The following TBC1D23 variants were observed in gnomAD, a reference collection of about 807,000 sequenced individuals.
TBC1D23 encodes the protein TBC1 domain family member 23.
In TBC1D23, 55 loss-of-function variants were observed where a neutral mutation model predicts 91.4. That is an observed-to-expected ratio of 0.60 (90% CI 0.48 to 0.75). TBC1D23 has a LOEUF of 0.75. Ranked by LOEUF, TBC1D23 falls within the 30% of genes least tolerant of loss-of-function variation. TBC1D23 has a pLI of 0.00. For synonymous variants in TBC1D23, 289 were observed against 281.0 expected (o/e 1.03, Z -0.28); for missense variants, 725 against 836.1 (o/e 0.87, Z 1.64).
At chr3:100,322,860 T>G (rs186811533) in intron 18 of TBC1D23, among the ~76,000 whole-genome samples, 11 of 152,292 alleles carry the variant, frequency 7.2e-5, no homozygotes, top group Admixed American at 1.3e-4. Flanking sequence ...TCATTGATAT[T>G]TATGGTTCTC....
intron 8 of TBC1D23, 28 bp downstream of exon 8, chr3:100,296,303 T>A: frequency 8.5e-7 from 1 of 1,180,722 alleles, no homozygotes; most frequent in Non-Finnish European, 1.2e-6. Context: ...ACCAACTATG[T>A]TGTATTTCAT....
At chr3:100,295,400 A>T (rs1405351711) in intron 7 of TBC1D23, 52 bp downstream of exon 7, 19 of 1,434,502 alleles carry the variant, frequency 1.3e-5, no homozygotes, top group Non-Finnish European at 1.8e-5. Flanking sequence ...TATCTGTGTA[A>T]GTTACTCAGT....
chr3:100,305,572 C>T (rs986825733), intron 12 of TBC1D23, among the ~76,000 whole-genome samples: 1 of 152,006 alleles, frequency 6.6e-6, no homozygotes, highest in African/African-American at 2.4e-5. Context: ...ACATGCTGAC[C>T]AGTTGTGCAA....
intron 1 of TBC1D23, among the ~76,000 whole-genome samples, chr3:100,270,970 C>T (rs1190510214): frequency 2.0e-5 from 3 of 151,978 alleles, no homozygotes. Flanking sequence ...TTAAAAACTG[C>T]TAGTCTTCAT....
chr3:100,275,145 A>T (rs1289197819), intron 1 of TBC1D23, among the ~76,000 whole-genome samples: 1 of 152,132 alleles, frequency 6.6e-6, no homozygotes, highest in African/African-American at 2.4e-5. Flanking sequence ...ATTTCCACTA[A>T]CTGTACACAA....
intron 17 of TBC1D23, among the ~76,000 whole-genome samples, chr3:100,320,501 T>C (rs555587144): frequency 1.2e-4 from 18 of 152,236 alleles, no homozygotes; most frequent in African/African-American, 3.9e-4. Context: ...AAATATATTA[T>C]TGTAGTGATT....
chr3:100,323,642 A>G lies in TBC1D23; in HGVS notation c.2074A>G (p.Lys692Glu). The G allele has an allele frequency of 2.6e-6, 4 of 1,536,334 alleles. No individual in the cohort carries two copies. The South Asian group carries it at 4.0e-5, about 15-fold the overall frequency. ...ATKAIKQQIM[K>E]VLDALES ...TAAAGCCATAAAACAGCAGATCATGAAAGTTTTGGATGCTTTGGAAAGTTA... is the reference window on the plus strand; with the variant it reads ...TAAAGCCATAAAACAGCAGATCATGGAAGTTTTGGATGCTTTGGAAAGTTA... Residue 692 changes from lysine (K) to glutamate (E), a missense_variant, in exon 19 of 19, where the codon AAA (lysine) becomes GAA (glutamate). Physicochemically the swap from Lys to Glu is moderately conservative, Grantham distance 56. Coordinates refer to ENST00000394144, the MANE Select transcript of TBC1D23 (RefSeq NM_001199198.3).
chr3:100,310,349 T>TA (rs1420397388), intron 13 of TBC1D23, 54 bp from the exon 14 acceptor site: 1 of 1,493,470 alleles, frequency 6.7e-7, no homozygotes, highest in East Asian at 2.3e-5. Context: ...CCATTAGCAG[T>TA]AGTATGTCTT....
intron 1 of TBC1D23, among the ~76,000 whole-genome samples, chr3:100,275,433 G>C (rs1313527750): frequency 1.3e-5 from 2 of 152,040 alleles, no homozygotes; most frequent in Non-Finnish European, 2.9e-5. Context: ...GACTACAGCT[G>C]CATACCACTA....
intron 16 of TBC1D23, 108 bp downstream of exon 16, chr3:100,316,295 G>C (rs1190637097): frequency 2.6e-6 from 2 of 781,072 alleles, no homozygotes; most frequent in Non-Finnish European, 4.3e-6. Context: ...ATGAGATTCT[G>C]TAGAAATAAT....
At chr3:100,295,428 T>G in intron 7 of TBC1D23, 80 bp downstream of exon 7, 1 of 1,165,362 alleles carries the variant, frequency 8.6e-7, no homozygotes, top group Non-Finnish European at 1.2e-6. Flanking sequence ...TTCGTAAATT[T>G]AGGAGATTAG....
At chr3:100,311,173 T>C (rs151212558) in intron 14 of TBC1D23, among the ~76,000 whole-genome samples, 18 of 152,356 alleles carry the variant, frequency 1.2e-4, no homozygotes, top group African/African-American at 3.6e-4. Context: ...GCTAACCTTA[T>C]AATTGCAACA....
At chr3:100,316,862 C>T (rs1185770883) in intron 16 of TBC1D23, among the ~76,000 whole-genome samples, 3 of 151,914 alleles carry the variant, frequency 2.0e-5, no homozygotes, top group Admixed American at 6.6e-5. Flanking sequence ...GAGGCTGAGG[C>T]GGGCGGATCA....
chr3:100,317,930 TTATATACATTTATATACATTTAAGTGTA>T (rs1488464091), intron 16 of TBC1D23, among the ~76,000 whole-genome samples: 6 of 119,254 alleles, frequency 5.0e-5, no homozygotes, highest in Non-Finnish European at 7.7e-5. Flanking sequence ...AGTCTACTTT[TTATATACATTTATATACATTTAAGTGTA>T]TATATACATT....
chr3:100,308,258 G>A (rs1342814358), intron 13 of TBC1D23, among the ~76,000 whole-genome samples: 7 of 152,260 alleles, frequency 4.6e-5, no homozygotes, highest in East Asian at 3.9e-4. Flanking sequence ...GGCAGATCAC[G>A]AGGTCAGGAG....
chr3:100,302,852 T>C (rs369230967), intron 11 of TBC1D23, among the ~76,000 whole-genome samples: 2 of 152,174 alleles, frequency 1.3e-5, no homozygotes, highest in African/African-American at 4.8e-5. Flanking sequence ...CCTCCTAGAG[T>C]GCTGGAATTA....
chr3:100,268,173 A>AATG (rs1041332467), intron 1 of TBC1D23, among the ~76,000 whole-genome samples: 2 of 151,852 alleles, frequency 1.3e-5, no homozygotes, highest in Non-Finnish European at 2.9e-5. Flanking sequence ...TAATAATAAT[A>AATG]ATGATGTCCA....
At chr3:100,279,826 T>TCACGCCTGTAA in intron 2 of TBC1D23, 66 bp downstream of exon 2, 1 of 992,956 alleles carries the variant, frequency 1.0e-6, no homozygotes, top group Admixed American at 2.4e-5. Flanking sequence ...AGTTTGTTGC[T>TCACGCCTGTAA]TCAGATGTCT....
Position 100,320,987 on chromosome 3 carries a change from A to G in TBC1D23, c.2018+16A>G, listed in dbSNP as rs780460127. ...CAATCGAAAGGTAAGATTTTCCTTA[A>G]GATAATATTATCTGAATTCAGATAT... On this transcript the variant is annotated intron_variant, in intron 18 of 18. Transcript: ENST00000394144. 2 of 1,545,358 alleles carry G rather than the reference A, an allele frequency of 1.3e-6. No individual in the cohort carries two copies. The highest frequency in any genetic ancestry group is 4.5e-5 in the East Asian group (2 of 44,300).
Sources: allele counts gnomAD v4.1 joint callset (sites outside exome capture counted in the v4.1 genomes callset), GRCh38; gene constraint gnomAD v4.1.1; transcripts MANE v1.5; gene names NCBI Gene and HGNC (gene_info 2026-07-23, HGNC 2026-07-21).